FBLN7: variants seen among roughly 807,000 people sequenced by gnomAD.
The protein encoded by FBLN7 is fibulin 7, also known as fibulin-7.
Under a neutral mutation model 44.0 loss-of-function variants are expected in FBLN7, and 31 were observed. The ratio of observed to expected loss-of-function variants is 0.70; its 90% CI spans 0.53 to 0.95. The LOEUF (loss-of-function observed/expected upper bound fraction) is 0.95, where lower values mean the gene tolerates loss of function less well. Among genes scored for constraint, FBLN7 ranks in the 40% least tolerant of loss-of-function variants. FBLN7 has a pLI of 0.00. For missense variants in FBLN7, 573 were observed against 618.5 expected (o/e 0.93, Z 0.78); for synonymous variants, 262 against 253.4 (o/e 1.03, Z -0.32).
the FBLN7 span, among the ~76,000 whole-genome samples, chr2:112,225,404 GGAGT>G: frequency 2.6e-5 from 4 of 152,198 alleles, no homozygotes; most frequent in Non-Finnish European, 2.9e-5. Flanking sequence ...CTTGAGCCCA[GGAGT>G]TCAAGGCTAA....
intron 1 of FBLN7, among the ~76,000 whole-genome samples, chr2:112,146,856 C>T (rs567992949): frequency 1.3e-5 from 2 of 152,214 alleles, no homozygotes; most frequent in Admixed American, 6.5e-5. Context: ...AACAGGAGAG[C>T]GAACATTCTT....
chr2:112,175,241 T>G (rs1408887731), intron 3 of FBLN7, among the ~76,000 whole-genome samples: 4 of 152,238 alleles, frequency 2.6e-5, no homozygotes, highest in Non-Finnish European at 5.9e-5. Context: ...CCTTTATAAC[T>G]GCACTGAATT....
chr2:112,182,422 A>G (rs565151119), intron 5 of FBLN7, among the ~76,000 whole-genome samples: 210 of 152,336 alleles, frequency 1.4e-3, no homozygotes, highest in Middle Eastern at 0.01. Flanking sequence ...ATTCCCAAAG[A>G]TAAAGAGAGT....
At chr2:112,211,918 C>G in the FBLN7 span, 1 of 152,158 alleles carries the variant, frequency 6.6e-6, no homozygotes, top group African/African-American at 2.4e-5. Flanking sequence ...TCCTCTTAAC[C>G]CTTCTAAATA....
the FBLN7 span, among the ~76,000 whole-genome samples, chr2:112,217,518 G>GC: frequency 2.5e-4 from 38 of 152,278 alleles, no homozygotes; most frequent in African/African-American, 8.9e-4. Flanking sequence ...TTGGATGGGT[G>GC]CTTTATGCAT....
Position 112,187,597 on chromosome 2 carries a change from GC to G in FBLN7, c.*93del, listed in dbSNP as rs1558899930. 1 of 1,525,684 alleles carries G rather than the reference GC, an allele frequency of 6.6e-7. No individual in the cohort carries two copies. Among genetic ancestry groups the G allele is most frequent in the Non-Finnish European group, 8.9e-7 (1 of 1,127,162 alleles). The allele number at this position is 1,525,684 out of a possible 1,614,324, so 94.5% of individuals were successfully genotyped here. A position where few individuals can be genotyped will look rare whatever the true frequency, so the allele number is the denominator to read the frequency against. On this transcript the variant is annotated 3_prime_UTR_variant, in exon 8 of 8. Coordinates refer to ENST00000331203, the MANE Select transcript of FBLN7 (RefSeq NM_153214.3). The surrounding 1 kb of genome is among the most constrained non-coding windows in gnomAD (Gnocchi z 5.1). ...GGGCACCGACTGCGTGGAGCCTCCC[GC>G]CTGTTCCCGCCCTCTCACCAGTGCA...
At chr2:112,149,124 C>T (rs1321176333) in intron 1 of FBLN7, among the ~76,000 whole-genome samples, 4 of 152,196 alleles carry the variant, frequency 2.6e-5, no homozygotes, top group Non-Finnish European at 5.9e-5. Flanking sequence ...CTTTCTCTAG[C>T]AGCCTCCACT....
chr2:112,214,450 G>C, the FBLN7 span: 2 of 151,952 alleles, frequency 1.3e-5, no homozygotes, highest in Non-Finnish European at 2.9e-5. Flanking sequence ...ATTTCTCCTG[G>C]TTTGAATTTT....
intron 1 of FBLN7, among the ~76,000 whole-genome samples, chr2:112,155,809 C>T (rs74358874): frequency 0.015 from 2,345 of 152,272 alleles, 57 homozygotes; most frequent in African/African-American, 0.054. Context: ...GGCTGCCCAG[C>T]GGCCAAGTAG....
chr2:112,217,732 T>A, the FBLN7 span, among the ~76,000 whole-genome samples: 1 of 152,358 alleles, frequency 6.6e-6, no homozygotes, highest in East Asian at 1.9e-4. Flanking sequence ...TCTAAAATTA[T>A]AATTTTTGCT....
chr2:112,166,958 C>T (rs1682192810), intron 3 of FBLN7, among the ~76,000 whole-genome samples: 1 of 152,194 alleles, frequency 6.6e-6, no homozygotes, highest in Non-Finnish European at 1.5e-5. Context: ...TTGACAAGGC[C>T]TTCTTATCGC....
the FBLN7 span, chr2:112,240,282 G>A: frequency 6.6e-6 from 1 of 152,186 alleles, no homozygotes; most frequent in African/African-American, 2.4e-5. Flanking sequence ...TTGTGACAGA[G>A]ACAACATGGC....
chr2:112,237,158 A>G, the FBLN7 span, among the ~76,000 whole-genome samples: 1 of 152,230 alleles, frequency 6.6e-6, no homozygotes, highest in Non-Finnish European at 1.5e-5. Flanking sequence ...CAGTTTTCCT[A>G]GAAGCTCTGG....
intron 4 of FBLN7, 55 bp downstream of exon 4, chr2:112,175,894 C>T (rs1682718025): frequency 1.3e-6 from 2 of 1,585,672 alleles, no homozygotes; most frequent in Admixed American, 3.5e-5. Flanking sequence ...GAGAGGAGGA[C>T]CCTAGGCATA....
the FBLN7 span, among the ~76,000 whole-genome samples, chr2:112,222,326 A>G: frequency 6.6e-6 from 1 of 152,124 alleles, no homozygotes; most frequent in Non-Finnish European, 1.5e-5. Flanking sequence ...TTCAGGTAGA[A>G]GTGGGACCAC....
At chr2:112,176,898 TA>T (rs1682760770) in intron 4 of FBLN7, 1 of 151,550 alleles carries the variant, frequency 6.6e-6, no homozygotes, top group South Asian at 2.1e-4. Context: ...CTGAATGTTC[TA>T]AACCCCACTC....
chr2:112,219,914 T>C, the FBLN7 span, among the ~76,000 whole-genome samples: 1 of 152,216 alleles, frequency 6.6e-6, no homozygotes, highest in Non-Finnish European at 1.5e-5. Context: ...ACTTCATAGG[T>C]CTTTAAAAAT....
At chr2:112,153,730 A>G (rs751556121) in intron 1 of FBLN7, among the ~76,000 whole-genome samples, 6 of 152,190 alleles carry the variant, frequency 3.9e-5, no homozygotes, top group Non-Finnish European at 7.3e-5. Flanking sequence ...GTCTGGGGGT[A>G]CGAAATGTCT....
At position 112,138,645 on chromosome 2, in the gene FBLN7, C is replaced by A. The variant is rs762699020; in HGVS notation, c.-11C>A. On this transcript the variant is annotated 5_prime_UTR_variant, in exon 1 of 8. Transcript: ENST00000331203. ...TTTCCCCTCCCAGGCAGCGGGATTC[C>A]GACTGGCAAGATGGTGCCCAGCTCT... 2 of 1,613,870 alleles carry A rather than the reference C, an allele frequency of 1.2e-6. No homozygotes were observed. Among genetic ancestry groups the A allele is most frequent in the East Asian group, 4.5e-5 (2 of 44,862 alleles).
Sources: gnomAD v4.1 joint callset for allele counts (sites outside exome capture counted in the v4.1 genomes callset) on GRCh38, gnomAD v4.1.1 for gene constraint, Gnocchi (gnomAD v3.1) non-coding constraint, MANE v1.5 for transcripts, NCBI Gene and HGNC (gene_info 2026-07-23, HGNC 2026-07-21) for gene names.